Variants in MGAT4B observed in about 807,000 individuals in gnomAD.
The protein encoded by MGAT4B is N-acetylglucosaminyltransferase IVb.
MGAT4B carries 38 observed loss-of-function variants against 73.9 expected under a neutral mutation model. That is an observed-to-expected ratio of 0.51 (90% CI 0.40 to 0.67). MGAT4B has a LOEUF of 0.67. Ranked by LOEUF, MGAT4B falls within the 30% of genes least tolerant of loss-of-function variation. MGAT4B has a pLI of 0.00. For synonymous variants in MGAT4B, 373 were observed against 313.5 expected (o/e 1.19, Z -2.01); for missense variants, 686 against 735.2 (o/e 0.93, Z 0.77).
rs1756981087 is a variant in MGAT4B, at chr5:179,802,294, C to T, written c.98-325G>A. On this transcript the variant is annotated intron_variant, in intron 1 of 14. Coordinates refer to ENST00000292591, the MANE Select transcript of MGAT4B (RefSeq NM_014275.5). The stretch of plus-strand genomic sequence containing the variant: ...TCCTAAGCAAGGGCTGGAACAGCCT[C>T]AGACTGAATCCGCTCCATCCGTTGG... 4 of 1,405,842 alleles carry T rather than the reference C, an allele frequency of 2.8e-6. No individual in the cohort carries two copies. The African/African-American group carries it at 4.3e-5, about 15-fold the overall frequency. The allele number at this position is 1,405,842 out of a possible 1,614,324, so 87.1% of individuals were successfully genotyped here. A position where few individuals can be genotyped will look rare whatever the true frequency, so the allele number is the denominator to read the frequency against.
chr5:179,804,923 G>A (rs576320361), intron 1 of MGAT4B: 3 of 152,366 alleles, frequency 2.0e-5, no homozygotes, highest in African/African-American at 7.2e-5. Flanking sequence ...GGAGGCCTAT[G>A]TCACCCCATA....
chr5:179,803,055 A>C (rs1304849735), intron 1 of MGAT4B: 97 of 985,382 alleles, frequency 9.8e-5, no homozygotes, highest in Non-Finnish European at 1.1e-4. Context: ...GGTCATGATC[A>C]GGCAAAGTTC....
In MGAT4B at chr5:179,800,083, G is replaced by C; in HGVS notation, c.796-15C>G. 6.2e-7 allele frequency: 1 copy of C among 1,612,928 alleles called. No individual in the cohort carries two copies. Among genetic ancestry groups the C allele is most frequent in the Non-Finnish European group, 8.5e-7 (1 of 1,179,038 alleles). On this transcript the variant is annotated splice_polypyrimidine_tract_variant and intron_variant, in intron 7 of 14. Transcript: ENST00000292591. ...TCATCCTCCAGCTGCGAGGTGAGCA[G>C]AGAGGGGCTGGGGCTGAGGAAGGGC... is the stretch of plus-strand genomic sequence containing the variant.
intron 1 of MGAT4B, among the ~76,000 whole-genome samples, chr5:179,805,821 G>A (rs1212859621): frequency 6.6e-6 from 1 of 152,240 alleles, no homozygotes; most frequent in Non-Finnish European, 1.5e-5. Flanking sequence ...AGACCGGCCA[G>A]CGGGGCGGCG....
Position 179,801,926 on chromosome 5 carries a change from G to T in MGAT4B, c.141C>A (p.Arg47=), listed in dbSNP as rs550866271. The part of the protein sequence containing the change: ...DVYQREFLAL[R]DRLHAAEQES... Reference sequence around the variant, plus strand: ...CCTGCTCAGCTGCGTGCAACCGATCGCGCAGCGCCAGGAACTCCCGCTGGT... The same window carrying T: ...CCTGCTCAGCTGCGTGCAACCGATCTCGCAGCGCCAGGAACTCCCGCTGGT... Residue 47 remains arginine, a synonymous_variant, in exon 2 of 15, where the codon CGC becomes CGA. Transcript: ENST00000292591. This position sits in a 1 kb window ranked among gnomAD's most constrained non-coding sequence, Gnocchi z 4.8. 8 of 1,613,170 alleles carry T rather than the reference G, an allele frequency of 5.0e-6. No individual in the cohort carries two copies. In the South Asian group the frequency reaches 6.6e-5, roughly 13 times the overall value.
At position 179,799,099 on chromosome 5, in the gene MGAT4B, G is replaced by A. The variant is rs146600579; in HGVS notation, c.1172C>T (p.Ala391Val). The A allele has an allele frequency of 6.2e-6, 10 of 1,613,820 alleles. No homozygotes were observed. The highest frequency in any genetic ancestry group is 1.3e-5 in the African/African-American group (1 of 74,936). The change falls in exon 11 of 15, where the codon GCG becomes GTG. Residue 391 changes from alanine (A) to valine (V), a missense_variant. Physicochemically the swap from Ala to Val is moderately conservative, Grantham distance 64 (BLOSUM62 0). Transcript: ENST00000292591. ...KLKDKDFGKQ[A>V]LRKEHVNPPA... is the part of the protein sequence containing the mutation. ...CGGGTTCACATGCTCCTTCCGCAGC[G>A]CCTGCTTTCCAAAGTCTTTGTCCTG...
chr5:179,800,782 C>T lies in MGAT4B; in HGVS notation c.605+125G>A, dbSNP rs534876181. The T allele has an allele frequency of 6.5e-5, 76 of 1,167,248 alleles. No homozygotes were observed. In the East Asian group the frequency reaches 1.2e-3, roughly 19 times the overall value. 72.3% of individuals were successfully genotyped at this position (1,167,248 alleles called of 1,614,324 possible). ...CACTTCTGCACACCCACCCCTCCCC[C>T]ACCAGGTCCCTGCCTCCCCACGAGA... On this transcript the variant is annotated intron_variant, in intron 5 of 14. Transcript: ENST00000292591.
Position 179,797,837 on chromosome 5 carries a change from G to A in MGAT4B, c.*208C>T, listed in dbSNP as rs1041910587. 2.4e-5 allele frequency: 15 copies of A among 629,968 alleles called. No individual in the cohort carries two copies. The highest frequency in any genetic ancestry group is 4.1e-5 in the South Asian group (2 of 48,286). The allele number at this position is 629,968 out of a possible 1,614,324, so 39.0% of individuals were successfully genotyped here. On this transcript the variant is annotated 3_prime_UTR_variant, in exon 15 of 15. Coordinates refer to ENST00000292591, the MANE Select transcript of MGAT4B (RefSeq NM_014275.5). ...GGGCCTCAGGCACAGTGTGGGGGCCGCCTGCCTCCTCCGCGGCCCGGCGGG... is the reference window on the plus strand; with the variant it reads ...GGGCCTCAGGCACAGTGTGGGGGCCACCTGCCTCCTCCGCGGCCCGGCGGG...
chr5:179,802,584 C>T, intron 1 of MGAT4B: 1 of 992,370 alleles, frequency 1.0e-6, no homozygotes, highest in African/African-American at 1.7e-5. Context: ...AGGGGACTAG[C>T]TCTGAACGCC....
chr5:179,800,954 C>T lies in MGAT4B; in HGVS notation c.559-1G>A, dbSNP rs1301797933. On this transcript the variant is annotated splice_acceptor_variant, in intron 4 of 14. Transcript: ENST00000292591. LOFTEE classifies it high-confidence loss of function. ...CTGCCGAAGTGTACTGTGAGTCAGT[C>T]TGTGGGGAGACCAAGCACCCTCCCT... The T allele has an allele frequency of 1.2e-6, 2 of 1,613,804 alleles. No homozygotes were observed. The highest frequency in any genetic ancestry group is 1.7e-6 in the Non-Finnish European group (2 of 1,179,982).
chr5:179,798,743 G>A lies in MGAT4B; in HGVS notation c.1344-152C>T, dbSNP rs1756768343. 4 of 1,093,108 alleles carry A rather than the reference G, an allele frequency of 3.7e-6. No homozygotes were observed. The East Asian group carries it at 1.0e-4, about 28-fold the overall frequency. 67.7% of individuals were successfully genotyped at this position (1,093,108 alleles called of 1,614,324 possible). Reference sequence around the variant, plus strand: ...GACCAGGGCCTTCCTCTGGGAGGATGGTGACAGGAAACATCCCTGAGCTCC... The same window carrying A: ...GACCAGGGCCTTCCTCTGGGAGGATAGTGACAGGAAACATCCCTGAGCTCC... On this transcript the variant is annotated intron_variant, in intron 11 of 14. Transcript: ENST00000292591.
chr5:179,801,574 A>G lies in MGAT4B; in HGVS notation c.404T>C (p.Val135Ala), dbSNP rs1381275860. 4.4e-6 allele frequency: 7 copies of G among 1,607,186 alleles called. No homozygotes were observed. The East Asian group carries it at 1.6e-4, about 36-fold the overall frequency. Residue 135 changes from valine to alanine, a missense_variant, in exon 3 of 15, where the codon GTG (valine) becomes GCG (alanine). Val to Ala is a moderately conservative substitution (Grantham distance 64, BLOSUM62 0). Around this residue, in one of 2 missense-constraint regions of MGAT4B, gnomAD observed 237 missense variants for 198.5 expected, o/e 1.19. Coordinates refer to ENST00000292591, the MANE Select transcript of MGAT4B (RefSeq NM_014275.5). This position sits in a 1 kb window ranked among gnomAD's most constrained non-coding sequence, Gnocchi z 4.8. ...KESSLQPAVRVGQGRTGVSVV... is the reference protein window; with the variant it reads ...KESSLQPAVRAGQGRTGVSVV... ...CATACCTCCGGTGCGGCCCTGGCCCACGCGCACCGCGGGCTGCAGACTGCT... is the reference window on the plus strand; with the variant it reads ...CATACCTCCGGTGCGGCCCTGGCCCGCGCGCACCGCGGGCTGCAGACTGCT...
chr5:179,806,405 C>G lies in MGAT4B; in HGVS notation c.97+82G>C, dbSNP rs1234871201. The G allele has an allele frequency of 1.1e-6, 1 of 897,908 alleles. No individual in the cohort carries two copies. The highest frequency in any genetic ancestry group is 1.8e-5 in the African/African-American group (1 of 55,142). The allele number at this position is 897,908 out of a possible 1,614,324, so 55.6% of individuals were successfully genotyped here. On this transcript the variant is annotated intron_variant, in intron 1 of 14. Transcript: ENST00000292591. The surrounding 1 kb of genome is among the most constrained non-coding windows in gnomAD (Gnocchi z 4.6). ...GGGCGCCTGCGTCGGCTTCCGGCCG[C>G]CTTCCGCGGCCACCGCCGGGCCCGC...
At chr5:179,804,656 C>T (rs1267229021) in intron 1 of MGAT4B, among the ~76,000 whole-genome samples, 5 of 152,224 alleles carry the variant, frequency 3.3e-5, no homozygotes, top group Admixed American at 1.3e-4. Context: ...CTGCCCACCT[C>T]CTTCCTTCCC....
rs888391751 is a variant in MGAT4B at position 179,800,500 on chromosome 5, G to C, written c.703C>G (p.Pro235Ala). ...AACTAGTACCTGACTCTCTCCTTGGGGTCCCCAAAGGACTCTCGGAGGCGG... is the reference window on the plus strand; with the variant it reads ...AACTAGTACCTGACTCTCTCCTTGGCGTCCCCAAAGGACTCTCGGAGGCGG... ...FSRLRESFGD[P>A]KERVRWRTKQ... Residue 235 changes from proline to alanine, a missense_variant, in exon 6 of 15, where the codon CCC becomes GCC. Pro to Ala is a conservative substitution (Grantham distance 27). Around this residue, in one of 2 missense-constraint regions of MGAT4B, gnomAD observed 449 missense variants for 536.8 expected, o/e 0.84. Coordinates refer to ENST00000292591, the MANE Select transcript of MGAT4B (RefSeq NM_014275.5). 1.9e-6 allele frequency: 3 copies of C among 1,608,172 alleles called. No homozygotes were observed. The highest frequency in any genetic ancestry group is 1.3e-5 in the African/African-American group (1 of 74,712).
chr5:179,804,151 CCT>C (rs1757050848), intron 1 of MGAT4B, among the ~76,000 whole-genome samples: 1 of 152,216 alleles, frequency 6.6e-6, no homozygotes, highest in South Asian at 2.1e-4. Flanking sequence ...CACAGTTCCC[CCT>C]GCTTCCCTCT....
At position 179,806,437 on chromosome 5, in the gene MGAT4B, C is replaced by T. The variant is rs1344339324; in HGVS notation, c.97+50G>A. 4.4e-6 allele frequency: 5 copies of T among 1,130,844 alleles called. No individual in the cohort carries two copies. The highest frequency in any genetic ancestry group is 5.5e-6 in the Non-Finnish European group (5 of 904,624). 70.1% of individuals were successfully genotyped at this position (1,130,844 alleles called of 1,614,324 possible). A position where few individuals can be genotyped will look rare whatever the true frequency, so the allele number is the denominator to read the frequency against. ...CGGCCACCGCCGGGCCCGCTCCCGC[C>T]GCCGACGCCCAGGTGCGCCAGGTGC... is the stretch of plus-strand genomic sequence containing the variant. On this transcript the variant is annotated intron_variant, in intron 1 of 14. Coordinates refer to ENST00000292591, the MANE Select transcript of MGAT4B (RefSeq NM_014275.5). The surrounding 1 kb of genome is among the most constrained non-coding windows in gnomAD (Gnocchi z 4.6).
rs1204984587 is a variant in MGAT4B, at chr5:179,798,247, T to A, written c.1541A>T (p.Glu514Val). Residue 514 changes from glutamate (E) to valine (V), a missense_variant, in exon 14 of 15, where the codon GAG (glutamate) becomes GTG (valine). Glu to Val is a moderately radical substitution (Grantham distance 121). Coordinates refer to ENST00000292591, the MANE Select transcript of MGAT4B (RefSeq NM_014275.5). The part of the protein sequence containing the change: ...GSFYKGVAEG[E>V]VDPAFGPLEA... Reference sequence around the variant, plus strand: ...CAGAGGGCCGAAGGCTGGGTCCACCTCTCCCTCTGCCACTCCCTTGTAGAA... The same window carrying A: ...CAGAGGGCCGAAGGCTGGGTCCACCACTCCCTCTGCCACTCCCTTGTAGAA... The A allele has an allele frequency of 1.2e-6, 2 of 1,610,328 alleles. No homozygotes were observed. The highest frequency in any genetic ancestry group is 2.2e-5 in the South Asian group (2 of 90,844).
chr5:179,802,505 A>T, intron 1 of MGAT4B: 3 of 1,017,068 alleles, frequency 2.9e-6, no homozygotes, highest in Non-Finnish European at 3.5e-6. Flanking sequence ...ACCTCACTTC[A>T]TTGCTCAGGT....
Sources: gnomAD v4.1 joint callset for allele counts (sites outside exome capture counted in the v4.1 genomes callset) on GRCh38, gnomAD v4.1.1 for gene constraint, gnomAD v4.1.1 regional missense constraint, Gnocchi (gnomAD v3.1) non-coding constraint, MANE v1.5 for transcripts, NCBI Gene and HGNC (gene_info 2026-07-23, HGNC 2026-07-21) for gene names.